The following RUNX1T1 variants were observed in gnomAD, a reference collection of about 807,000 sequenced individuals.
RUNX1T1 encodes RUNX1 partner transcriptional co-repressor 1.
RUNX1T1 carries 4 observed loss-of-function variants against 62.8 expected under a neutral mutation model. That is an observed-to-expected ratio of 0.06 (90% CI 0.03 to 0.15). The LOEUF is 0.15. Among genes scored for constraint, RUNX1T1 ranks in the 10% least tolerant of loss-of-function variants. The pLI, the probability that RUNX1T1 is intolerant of heterozygous loss-of-function variation, is 1.00. For missense variants in RUNX1T1, 508 were observed against 754.3 expected, an observed-to-expected ratio of 0.67 and a Z score of 3.82; for synonymous variants, 291 against 286.0, an observed-to-expected ratio of 1.02 and a Z score of -0.18.
chr8:92,086,769 A>G (rs1466861511), intron 1 of RUNX1T1, among the ~76,000 whole-genome samples: 5 of 152,076 alleles, frequency 3.3e-5, no homozygotes, highest in African/African-American at 1.2e-4. Flanking sequence ...CCCTCTCTAA[A>G]TCCACTGCTC....
At chr8:92,102,510 G>A (rs1401328439), upstream of RUNX1T1, among the ~76,000 whole-genome samples, 2 of 152,056 alleles carry the variant, frequency 1.3e-5, no homozygotes, top group African/African-American at 4.8e-5. This position sits in a 1 kb window ranked among gnomAD's most constrained non-coding sequence, Gnocchi z 4.5. Context: ...ACCTCGATCG[G>A]TTGTTTTGTC....
chr8:92,047,076 G>A (rs952184944), intron 1 of RUNX1T1, among the ~76,000 whole-genome samples: 3 of 152,154 alleles, frequency 2.0e-5, no homozygotes, highest in African/African-American at 7.2e-5. Context: ...GGATTGGACA[G>A]GGAAGTCCTG....
At chr8:91,968,293 G>A (rs567082459) in intron 10 of RUNX1T1, among the ~76,000 whole-genome samples, 8 of 152,232 alleles carry the variant, frequency 5.3e-5, no homozygotes, top group Admixed American at 1.3e-4. Flanking sequence ...GGGGGCGCTC[G>A]TAATAATTAT....
chr8:92,019,023 C>T (rs545637702), intron 1 of RUNX1T1: 1 of 152,230 alleles, frequency 6.6e-6, no homozygotes, highest in East Asian at 1.9e-4. Context: ...AACTTGTCTT[C>T]AGATTGCTAC....
intron 10 of RUNX1T1, among the ~76,000 whole-genome samples, chr8:91,969,096 T>C (rs914580477): frequency 3.3e-5 from 5 of 152,112 alleles, no homozygotes; most frequent in African/African-American, 9.7e-5. Context: ...AAAACAATTA[T>C]TACAGAAGAT....
chr8:92,023,971 T>C (rs1243073729), intron 1 of RUNX1T1, among the ~76,000 whole-genome samples: 1 of 152,076 alleles, frequency 6.6e-6, no homozygotes, highest in Non-Finnish European at 1.5e-5. Flanking sequence ...AAAGCAGGTC[T>C]ACAGCACAAA....
chr8:92,005,113 C>A lies in RUNX1T1; in HGVS notation c.659+3G>T, dbSNP rs1478033665. 4 of 1,602,574 alleles carry A rather than the reference C, an allele frequency of 2.5e-6. No homozygotes were observed. The South Asian group carries it at 4.5e-5, about 18-fold the overall frequency. ...GTTCATCCAGGCTCCTCCTCCCTCT[C>A]ACCTGTCTGGAGTTCGCCTCTTCCC... On this transcript the variant is annotated splice_donor_region_variant and intron_variant, in intron 5 of 10. Coordinates refer to ENST00000396218, the Ensembl canonical transcript of RUNX1T1.
intron 4 of RUNX1T1, among the ~76,000 whole-genome samples, chr8:92,008,359 T>G (rs1586963507): frequency 6.9e-6 from 1 of 144,980 alleles, no homozygotes; most frequent in African/African-American, 2.6e-5. Context: ...ATTATTTGGG[T>G]GCCACATATC....
At chr8:92,057,544 T>A (rs539996839) in intron 1 of RUNX1T1, among the ~76,000 whole-genome samples, 1 of 152,214 alleles carries the variant, frequency 6.6e-6, no homozygotes, top group Non-Finnish European at 1.5e-5. Context: ...CTGCTCTTAG[T>A]ATACTATCAG....
intron 1 of RUNX1T1, among the ~76,000 whole-genome samples, chr8:92,030,748 C>T (rs1826066101): frequency 6.6e-6 from 1 of 152,190 alleles, no homozygotes; most frequent in Non-Finnish European, 1.5e-5. Flanking sequence ...TCTGCAGTGG[C>T]ATCCTTCTCC....
chr8:92,011,784 C>G (rs889656730), intron 3 of RUNX1T1, among the ~76,000 whole-genome samples: 1 of 152,182 alleles, frequency 6.6e-6, no homozygotes, highest in South Asian at 2.1e-4. Context: ...AACTCAGATT[C>G]ACTTCTAACC....
chr8:91,986,913 C>T, exon 7 of RUNX1T1: 1 of 1,610,448 alleles, frequency 6.2e-7, no homozygotes, highest in Non-Finnish European at 8.5e-7. Flanking sequence ...CACTCTTCTG[C>T]CCATTCTCTG....
At chr8:91,976,240 T>G (rs2130705424) in intron 8 of RUNX1T1, among the ~76,000 whole-genome samples, 1 of 152,310 alleles carries the variant, frequency 6.6e-6, no homozygotes, top group South Asian at 2.1e-4. Context: ...CAATATGATG[T>G]TTGGGAACAC....
chr8:92,011,489 G>C (rs1284757707), intron 3 of RUNX1T1, among the ~76,000 whole-genome samples: 1 of 152,190 alleles, frequency 6.6e-6, no homozygotes, highest in Non-Finnish European at 1.5e-5. Flanking sequence ...AGAATTCTCA[G>C]TCAAGATTTA....
intron 1 of RUNX1T1, among the ~76,000 whole-genome samples, chr8:92,050,152 T>C (rs1830013416): frequency 6.6e-6 from 1 of 152,188 alleles, no homozygotes; most frequent in African/African-American, 2.4e-5. Flanking sequence ...TCAAATTCAC[T>C]GAAATACATT....
chr8:92,075,058 G>C (rs971812524), intron 2 of RUNX1T1, among the ~76,000 whole-genome samples: 3 of 152,218 alleles, frequency 2.0e-5, no homozygotes, highest in Non-Finnish European at 4.4e-5. Context: ...AGACATTGTG[G>C]GGTGGATGCT....
At chr8:92,102,240 C>A (rs1838071610), upstream of RUNX1T1, among the ~76,000 whole-genome samples, 1 of 152,118 alleles carries the variant, frequency 6.6e-6, no homozygotes, top group South Asian at 2.1e-4. This position sits in a 1 kb window ranked among gnomAD's most constrained non-coding sequence, Gnocchi z 4.5. Flanking sequence ...GTCCAGCACC[C>A]CAAACGGCCA....
intron 8 of RUNX1T1, chr8:91,977,075 G>C (rs1814130562): frequency 5.2e-6 from 1 of 192,260 alleles, no homozygotes; most frequent in African/African-American, 2.3e-5. Flanking sequence ...ATAAAGAAAA[G>C]CACGATGAGT....
At chr8:92,073,857 C>T (rs1429733488) in intron 2 of RUNX1T1, among the ~76,000 whole-genome samples, 5 of 152,098 alleles carry the variant, frequency 3.3e-5, no homozygotes, top group East Asian at 1.9e-4. Flanking sequence ...CCATCACACT[C>T]GCCTGAATTT....
Sources: gnomAD v4.1 joint callset for allele counts (sites outside exome capture counted in the v4.1 genomes callset) on GRCh38, gnomAD v4.1.1 for gene constraint, Gnocchi (gnomAD v3.1) non-coding constraint, MANE v1.5 for transcripts, NCBI Gene and HGNC (gene_info 2026-07-23, HGNC 2026-07-21) for gene names.